The following LEMD1 variants were observed in gnomAD, a reference collection of about 807,000 sequenced individuals.
LEMD1 encodes the protein LEM domain containing 1, also known as LEM domain-containing protein 1.
Under a neutral mutation model 17.4 loss-of-function variants are expected in LEMD1, and 18 were observed. The observed-to-expected ratio is 1.04, with a 90% confidence interval of 0.72 to 1.54. LEMD1 has a LOEUF of 1.54. LEMD1 is among the 40% of genes most tolerant of loss of function. The pLI is 0.00. For missense variants in LEMD1, 195 were observed against 210.4 expected, an observed-to-expected ratio of 0.93 and a Z score of 0.45; for synonymous variants, 88 against 77.8, an observed-to-expected ratio of 1.13 and a Z score of -0.69.
intron 2 of LEMD1, 104 bp from the exon 3 acceptor site, chr1:205,419,456 C>A: frequency 1.5e-6 from 2 of 1,298,936 alleles, no homozygotes; most frequent in East Asian, 2.3e-5. Flanking sequence ...TTAACCCTTA[C>A]ATTATTGGTT....
intron 4 of LEMD1, among the ~76,000 whole-genome samples, chr1:205,402,707 A>G (rs1285141904): frequency 7.7e-4 from 115 of 150,296 alleles, no homozygotes; most frequent in African/African-American, 2.6e-3. Context: ...TCTCCTGCCT[A>G]ATTGCCCTGG....
At chr1:205,414,821 G>A (rs1297920693) in intron 4 of LEMD1, among the ~76,000 whole-genome samples, 9 of 152,116 alleles carry the variant, frequency 5.9e-5, no homozygotes, top group Non-Finnish European at 8.8e-5. Context: ...CCAGGAGTTC[G>A]AGATTACAGT....
chr1:205,396,914 C>T (rs761512136), intron 4 of LEMD1, among the ~76,000 whole-genome samples: 2 of 152,188 alleles, frequency 1.3e-5, no homozygotes, highest in Admixed American at 6.5e-5. Flanking sequence ...CTTCTCATTA[C>T]GTAATTCTTT....
intron 3 of LEMD1, among the ~76,000 whole-genome samples, chr1:205,418,066 C>T (rs997682797): frequency 6.6e-6 from 1 of 152,016 alleles, no homozygotes. Context: ...TCTGCATGGC[C>T]CGTGCTAACG....
At chr1:205,427,355 C>G (rs1216314913) in intron 1 of LEMD1, among the ~76,000 whole-genome samples, 3 of 151,984 alleles carry the variant, frequency 2.0e-5, no homozygotes, top group Non-Finnish European at 4.4e-5. Context: ...GGACATCACT[C>G]ATGACTGGGG....
rs376534409 is a variant in LEMD1, at chr1:205,409,963, T to C, written c.270+6269A>G. Among the ~76,000 whole-genome samples the C allele has an allele frequency of 2.0e-4, 31 of 152,090 alleles. No individual in the cohort carries two copies. The East Asian group carries it at 5.8e-3, about 28-fold the overall frequency. On this transcript the variant is annotated intron_variant, in intron 4 of 5. Coordinates refer to ENST00000367153, the MANE Select transcript of LEMD1 (RefSeq NM_001199050.2). ...AATTTTTTTGTATTTTTAGTAGAGA[T>C]GGAGTTTCACCATGTTGGCCATGGT... is the stretch of plus-strand genomic sequence containing the variant.
intron 1 of LEMD1, among the ~76,000 whole-genome samples, chr1:205,432,568 A>G (rs1161348165): frequency 6.6e-6 from 1 of 152,204 alleles, no homozygotes; most frequent in Admixed American, 6.5e-5. Flanking sequence ...AGAGGAGAGG[A>G]ATTTGGGAAC....
chr1:205,407,912 A>T (rs6421771), intron 4 of LEMD1, among the ~76,000 whole-genome samples: 1 of 151,952 alleles, frequency 6.6e-6, no homozygotes, highest in Non-Finnish European at 1.5e-5. Flanking sequence ...GAGGAAAAAA[A>T]CCCACACATT....
At chr1:205,429,130 C>CT (rs1280985034) in intron 1 of LEMD1, among the ~76,000 whole-genome samples, 5 of 152,260 alleles carry the variant, frequency 3.3e-5, no homozygotes, top group African/African-American at 9.6e-5. Context: ...ACCACCATCC[C>CT]TTACCCTCCA....
intron 1 of LEMD1, among the ~76,000 whole-genome samples, chr1:205,429,899 C>G (rs1287494652): frequency 6.6e-6 from 1 of 152,158 alleles, no homozygotes; most frequent in Non-Finnish European, 1.5e-5. Flanking sequence ...GCGAGGGCAG[C>G]CGGCAGCCAG....
At chr1:205,389,240 G>C (rs1276820446) in intron 4 of LEMD1, among the ~76,000 whole-genome samples, 3 of 151,584 alleles carry the variant, frequency 2.0e-5, no homozygotes, top group Non-Finnish European at 4.4e-5. Flanking sequence ...GTAGAGATGG[G>C]GAGTCACTAT....
intron 4 of LEMD1, among the ~76,000 whole-genome samples, chr1:205,408,502 C>CTTTCT (rs1253968089): frequency 3.7e-5 from 5 of 136,878 alleles, no homozygotes; most frequent in African/African-American, 8.2e-5. Flanking sequence ...TTCTTTCTTT[C>CTTTCT]TTTTTTTTTT....
rs543404415 is a variant in LEMD1 at position 205,392,529 on chromosome 1, G to A, written c.271-8165C>T. ...TGTACTCCAGCCTGGGTGACAGAGTGAAATCCCGCCTTAAAAAAAAACAAA... is the reference window on the plus strand; with the variant it reads ...TGTACTCCAGCCTGGGTGACAGAGTAAAATCCCGCCTTAAAAAAAAACAAA... On this transcript the variant is annotated intron_variant, in intron 4 of 5. Coordinates refer to ENST00000367153, the MANE Select transcript of LEMD1 (RefSeq NM_001199050.2). Among the ~76,000 whole-genome samples the A allele has an allele frequency of 2.6e-5, 4 of 151,414 alleles. No homozygotes were observed. In the South Asian group the frequency reaches 8.4e-4, roughly 32 times the overall value.
At chr1:205,396,010 C>T (rs1664575246) in intron 4 of LEMD1, among the ~76,000 whole-genome samples, 1 of 151,598 alleles carries the variant, frequency 6.6e-6, no homozygotes, top group Non-Finnish European at 1.5e-5. Context: ...AACAATGGAG[C>T]ATTTGTTTTT....
chr1:205,425,462 G>A (rs567188977), upstream of LEMD1, among the ~76,000 whole-genome samples: 5 of 152,202 alleles, frequency 3.3e-5, no homozygotes, highest in South Asian at 2.1e-4. Context: ...AATTCACCAC[G>A]GATCATCCGC....
At chr1:205,408,856 TA>T (rs1486318000) in intron 4 of LEMD1, among the ~76,000 whole-genome samples, 1 of 134,758 alleles carries the variant, frequency 7.4e-6, no homozygotes, top group Non-Finnish European at 1.6e-5. Flanking sequence ...ACATGTGACT[TA>T]AACAAACAAC....
chr1:205,406,300 C>T (rs1665098859), intron 4 of LEMD1, among the ~76,000 whole-genome samples: 1 of 152,236 alleles, frequency 6.6e-6, no homozygotes, highest in Admixed American at 6.5e-5. Flanking sequence ...CTGTGCCCTG[C>T]CCCCAGAGGT....
intron 4 of LEMD1, among the ~76,000 whole-genome samples, chr1:205,396,801 T>C (rs1664610871): frequency 6.6e-6 from 1 of 152,298 alleles, no homozygotes; most frequent in South Asian, 2.1e-4. Context: ...TTCAGGTTAG[T>C]GGTTGCCATG....
At chr1:205,389,757 C>A (rs1664239890) in intron 4 of LEMD1, among the ~76,000 whole-genome samples, 1 of 152,176 alleles carries the variant, frequency 6.6e-6, no homozygotes, top group Non-Finnish European at 1.5e-5. Context: ...AAGTTATGAC[C>A]TGATTACAGG....
Sources: gnomAD v4.1 joint callset for allele counts (sites outside exome capture counted in the v4.1 genomes callset) on GRCh38, gnomAD v4.1.1 for gene constraint, MANE v1.5 for transcripts, NCBI Gene and HGNC (gene_info 2026-07-23, HGNC 2026-07-21) for gene names.